The following FEZ2 variants were observed in gnomAD, a reference collection of about 807,000 sequenced individuals.
FEZ2 encodes fasciculation and elongation protein zeta 2, also known as fasciculation and elongation protein zeta-2.
FEZ2 carries 51 observed loss-of-function variants against 40.4 expected under a neutral mutation model. The ratio of observed to expected loss-of-function variants is 1.26; its 90% CI spans 1.01 to 1.59. The LOEUF (loss-of-function observed/expected upper bound fraction) is 1.59. Ranked by LOEUF, FEZ2 falls within the 40% of genes most tolerant of loss-of-function variation. FEZ2 has a pLI of 0.00. For synonymous variants in FEZ2, 242 were observed against 172.0 expected, an observed-to-expected ratio of 1.41 and a Z score of -3.18; for missense variants, 640 against 438.3, an observed-to-expected ratio of 1.46 and a Z score of -4.11.
At position 36,578,861 on chromosome 2, in the gene FEZ2, C is replaced by A; in HGVS notation, c.639G>T (p.Val213=). 1.2e-6 allele frequency: 2 copies of A among 1,607,554 alleles called. No homozygotes were observed. Among genetic ancestry groups the A allele is most frequent in the Non-Finnish European group, 1.7e-6 (2 of 1,177,522 alleles). ...TTAACTCAGACACTGAGAGCCTTTT[C>A]ACTCCTGTGACCAAAAGCAAAATAC... ...RSSTGSYEER[V]KRLSVSELNE... Residue 213 remains valine, a synonymous_variant, in exon 5 of 8, where the codon GTG becomes GTT. Coordinates refer to ENST00000405912, the MANE Select transcript of FEZ2 (RefSeq NM_005102.3).
chr2:36,584,133 A>G (rs905952839), intron 2 of FEZ2: 2 of 152,312 alleles, frequency 1.3e-5, no homozygotes, highest in African/African-American at 2.4e-5. Context: ...GTTAAACCCC[A>G]TTGGCAGACA....
chr2:36,558,409 G>A (rs1572999648), intron 6 of FEZ2, 29 bp downstream of exon 6: 2 of 1,362,154 alleles, frequency 1.5e-6, no homozygotes. Context: ...AAGGAAATCA[G>A]GTAATAGTTT....
chr2:36,592,821 T>C (rs1258711876), intron 1 of FEZ2, among the ~76,000 whole-genome samples: 1 of 151,764 alleles, frequency 6.6e-6, no homozygotes, highest in Non-Finnish European at 1.5e-5. Flanking sequence ...TCTCTAAAAA[T>C]ATATAAATAA....
At chr2:36,576,637 G>A (rs56313057) in intron 5 of FEZ2, among the ~76,000 whole-genome samples, 6,909 of 152,280 alleles carry the variant, frequency 0.045, 647 homozygotes, top group East Asian at 0.43. Flanking sequence ...TTACTGAACT[G>A]ATTAAAATTT....
chr2:36,598,065 A>G lies in FEZ2; in HGVS notation c.78T>C (p.Cys26=), dbSNP rs1466421188. ...CCGCCCCAGGCTCGGGGCTCGCGTT[A>G]CAGTTCTCCTGGTCCAGGAGGCTCC... is the stretch of plus-strand genomic sequence containing the variant. ...PARSLLDQEN[C]NASPEPGAEA... is the part of the protein sequence containing the mutation. Residue 26 remains cysteine (C), a synonymous_variant, in exon 1 of 8, where the codon TGT becomes TGC. Coordinates refer to ENST00000405912, the MANE Select transcript of FEZ2 (RefSeq NM_005102.3). 2.1e-6 allele frequency: 3 copies of G among 1,449,448 alleles called. No homozygotes were observed. Among genetic ancestry groups the G allele is most frequent in the Admixed American group, 2.3e-5 (1 of 43,370 alleles). The allele number at this position is 1,449,448 out of a possible 1,614,324, so 89.8% of individuals were successfully genotyped here.
At chr2:36,563,941 G>A (rs1000811983) in intron 5 of FEZ2, among the ~76,000 whole-genome samples, 1 of 152,168 alleles carries the variant, frequency 6.6e-6, no homozygotes, top group Non-Finnish European at 1.5e-5. Context: ...TTAAATGCCA[G>A]TGTTCCCTAG....
At chr2:36,562,104 T>G (rs188436880) in intron 5 of FEZ2, among the ~76,000 whole-genome samples, 6 of 152,356 alleles carry the variant, frequency 3.9e-5, no homozygotes, top group Admixed American at 1.3e-4. Context: ...GAAGCACATT[T>G]GTGAATCTAG....
intron 2 of FEZ2, among the ~76,000 whole-genome samples, chr2:36,585,962 C>T (rs1668887808): frequency 6.6e-6 from 1 of 152,164 alleles, no homozygotes; most frequent in South Asian, 2.1e-4. Flanking sequence ...TTAAAGTGGC[C>T]ACCTCTGGTA....
chr2:36,556,976 C>T (rs774441116), intron 6 of FEZ2: 3 of 152,096 alleles, frequency 2.0e-5, no homozygotes, highest in Non-Finnish European at 4.4e-5. Context: ...AAAGACATCT[C>T]GATGCTGGAA....
chr2:36,563,549 G>A (rs1030147435), intron 5 of FEZ2, among the ~76,000 whole-genome samples: 2 of 150,398 alleles, frequency 1.3e-5, no homozygotes, highest in South Asian at 2.1e-4. Context: ...TAAAATCTAC[G>A]TCTGAGAACG....
chr2:36,561,200 A>G (rs1668084483), intron 5 of FEZ2: 1 of 186,158 alleles, frequency 5.4e-6, no homozygotes, highest in Admixed American at 6.1e-5. Context: ...ATACTTTTTG[A>G]TATTATTTAC....
intron 4 of FEZ2, among the ~76,000 whole-genome samples, chr2:36,581,086 T>C (rs979565744): frequency 6.6e-6 from 1 of 152,094 alleles, no homozygotes; most frequent in African/African-American, 2.4e-5. Flanking sequence ...GAGGCACAGG[T>C]TGCAGTGAGC....
chr2:36,563,594 C>T (rs1022143588), intron 5 of FEZ2, among the ~76,000 whole-genome samples: 5 of 152,162 alleles, frequency 3.3e-5, no homozygotes, highest in African/African-American at 1.2e-4. Context: ...CAATCAACTC[C>T]TACCTCCCCA....
chr2:36,570,471 C>A (rs1281931913), intron 5 of FEZ2, among the ~76,000 whole-genome samples: 3 of 151,926 alleles, frequency 2.0e-5, no homozygotes, highest in African/African-American at 7.3e-5. Context: ...ATTTTCAAAA[C>A]CACTAAAACT....
chr2:36,567,445 T>C (rs1668277319), intron 5 of FEZ2, among the ~76,000 whole-genome samples: 1 of 152,006 alleles, frequency 6.6e-6, no homozygotes, highest in South Asian at 2.1e-4. Flanking sequence ...TTATAAAACA[T>C]AAAACAATGG....
intron 4 of FEZ2, among the ~76,000 whole-genome samples, chr2:36,580,057 A>T (rs929902612): frequency 2.0e-5 from 3 of 152,202 alleles, no homozygotes; most frequent in African/African-American, 7.2e-5. Context: ...GGCCTCTGAA[A>T]AAAACCAAAC....
chr2:36,589,385 C>A (rs1669001931), intron 2 of FEZ2, among the ~76,000 whole-genome samples: 1 of 152,180 alleles, frequency 6.6e-6, no homozygotes, highest in Non-Finnish European at 1.5e-5. Context: ...TCCTTCCGTG[C>A]AGGAATTTAG....
chr2:36,558,820 A>G (rs1668021237), intron 5 of FEZ2: 1 of 197,572 alleles, frequency 5.1e-6, no homozygotes, highest in Non-Finnish European at 1.0e-5. Flanking sequence ...GTTCATTTTT[A>G]AAGTGAAGTA....
intron 3 of FEZ2, 90 bp from the exon 4 acceptor site, chr2:36,581,521 A>C (rs1290949703): frequency 8.9e-7 from 1 of 1,118,692 alleles, no homozygotes; most frequent in East Asian, 2.4e-5. Flanking sequence ...CACCCAGAGC[A>C]GAAATGCACT....
Sources: gnomAD v4.1 joint callset for allele counts (sites outside exome capture counted in the v4.1 genomes callset) on GRCh38, gnomAD v4.1.1 for gene constraint, MANE v1.5 for transcripts, NCBI Gene and HGNC (gene_info 2026-07-23, HGNC 2026-07-21) for gene names.